Variants in RAP1GAP2 observed in about 807,000 individuals in gnomAD.
The protein encoded by RAP1GAP2 is rap1 GTPase-activating protein 2.
RAP1GAP2 carries 27 observed loss-of-function variants against 95.0 expected under a neutral mutation model. The observed-to-expected ratio is 0.28, with a 90% CI of 0.21 to 0.39. RAP1GAP2 has a LOEUF of 0.39. RAP1GAP2 is among the 10% of genes least tolerant of loss of function. The probability of loss-of-function intolerance (pLI) is 1.00; values close to 1 mark genes in which losing one functional copy is unlikely to be tolerated. For synonymous variants in RAP1GAP2, 373 were observed against 380.9 expected, an observed-to-expected ratio of 0.98 and a Z score of 0.24; for missense variants, 771 against 970.0, an observed-to-expected ratio of 0.79 and a Z score of 2.72.
chr17:2,878,293 G>A (rs528576732), intron 2 of RAP1GAP2, among the ~76,000 whole-genome samples: 14 of 152,234 alleles, frequency 9.2e-5, no homozygotes, highest in African/African-American at 2.6e-4. Context: ...GTCATTTAGG[G>A]ACACATTGGG....
In RAP1GAP2 at chr17:2,866,713, T is replaced by C. The variant is rs889519216; in HGVS notation, c.81-38571T>C. Among the ~76,000 whole-genome samples, 35 of 147,056 alleles carry C rather than the reference T, an allele frequency of 2.4e-4. No homozygotes were observed. Among genetic ancestry groups the C allele is most frequent in the African/African-American group, 8.1e-4 (32 of 39,430 alleles). On this transcript the variant is annotated intron_variant, in intron 2 of 24. Transcript: ENST00000254695. The surrounding 1 kb of genome is among the most constrained non-coding windows in gnomAD (Gnocchi z 4.0). ...CTCCCGGGTTCAAGCGATTCTCCTG[T>C]CTCAGCCTCCCGAGTAGCTGGGATT... is the stretch of plus-strand genomic sequence containing the variant.
At chr17:2,799,316 C>T (rs1314629431) in intron 1 of RAP1GAP2, among the ~76,000 whole-genome samples, 1 of 152,192 alleles carries the variant, frequency 6.6e-6, no homozygotes, top group African/African-American at 2.4e-5. Context: ...GAGGAAGAAA[C>T]TGGGAGAGAC....
At position 2,975,050 on chromosome 17, in the gene RAP1GAP2, G is replaced by A. The variant is rs562674472; in HGVS notation, c.597-5237G>A. 7.9e-5 allele frequency among the ~76,000 whole-genome samples: 12 copies of A among 152,252 alleles called. No individual in the cohort carries two copies. The South Asian group carries it at 1.5e-3, about 18-fold the overall frequency. On this transcript the variant is annotated intron_variant, in intron 8 of 24. Transcript: ENST00000254695. ...TTGAGACTAGCCTGGCCAACATGGC[G>A]AAACCCCATTTCTACTAAAAATACA... is the stretch of plus-strand genomic sequence containing the variant.
intron 2 of RAP1GAP2, among the ~76,000 whole-genome samples, chr17:2,844,074 G>T (rs1308404192): frequency 2.6e-5 from 4 of 151,966 alleles, no homozygotes; most frequent in Admixed American, 2.0e-4. Context: ...AGGCTGGAGT[G>T]CAGTGGCTCG....
At chr17:2,840,964 C>G (rs1209009878) in intron 2 of RAP1GAP2, among the ~76,000 whole-genome samples, 1 of 151,908 alleles carries the variant, frequency 6.6e-6, no homozygotes, top group African/African-American at 2.4e-5. Flanking sequence ...CGCCACTGCA[C>G]TCCAGCCTGG....
At chr17:2,901,144 T>G (rs1007991129) in intron 2 of RAP1GAP2, among the ~76,000 whole-genome samples, 1 of 152,214 alleles carries the variant, frequency 6.6e-6, no homozygotes. Context: ...GGACGCGTCC[T>G]GGTCTCCCTG....
At chr17:2,840,289 G>A (rs1202143897) in intron 2 of RAP1GAP2, among the ~76,000 whole-genome samples, 1 of 151,612 alleles carries the variant, frequency 6.6e-6, no homozygotes, top group Non-Finnish European at 1.5e-5. Flanking sequence ...TCAGCCTCCC[G>A]AGTAGCTGGG....
At chr17:3,030,211 G>A (rs891958952) in intron 22 of RAP1GAP2, among the ~76,000 whole-genome samples, 53 of 122,484 alleles carry the variant, frequency 4.3e-4, no homozygotes, top group African/African-American at 1.3e-3. Context: ...CTCTCATGGC[G>A]CCCGGCCATG....
intron 1 of RAP1GAP2, among the ~76,000 whole-genome samples, chr17:2,778,763 G>A (rs2068568167): frequency 6.6e-6 from 1 of 152,172 alleles, no homozygotes; most frequent in Non-Finnish European, 1.5e-5. Context: ...TGCAGGCTGT[G>A]GCTTATTTGG....
rs754605154 is a variant in RAP1GAP2, at chr17:2,852,639, CA to C, written c.80+52090del. Among the ~76,000 whole-genome samples, 510 of 152,366 alleles carry C rather than the reference CA, an allele frequency of 3.3e-3. 3 individuals are homozygous for C. The highest frequency in any genetic ancestry group is 5.9e-3 in the Non-Finnish European group (402 of 68,042). ...CAACAAAAAACAAGGCAAATTGCCT[CA>C]GGGGGAACCTCTTCGGCCCCAAAGA... On this transcript the variant is annotated intron_variant, in intron 2 of 24. Transcript: ENST00000254695.
At position 2,842,024 on chromosome 17, in the gene RAP1GAP2, G is replaced by C. The variant is rs114726086; in HGVS notation, c.80+41474G>C. On this transcript the variant is annotated intron_variant, in intron 2 of 24. Coordinates refer to ENST00000254695, the MANE Select transcript of RAP1GAP2 (RefSeq NM_015085.5). ...CAACCCTCTCTACAGCTCAGGGTCTGAAAGGCGGTGCCAGGTACTGGGTCC... is the reference window on the plus strand; with the variant it reads ...CAACCCTCTCTACAGCTCAGGGTCTCAAAGGCGGTGCCAGGTACTGGGTCC... 2.4e-3 allele frequency among the ~76,000 whole-genome samples: 361 copies of C among 152,348 alleles called. 1 individual carries two copies. Among genetic ancestry groups the C allele is most frequent in the African/African-American group, 8.0e-3 (334 of 41,586 alleles).
At chr17:2,841,996 C>G (rs1007577803) in intron 2 of RAP1GAP2, among the ~76,000 whole-genome samples, 3 of 152,208 alleles carry the variant, frequency 2.0e-5, no homozygotes, top group Non-Finnish European at 4.4e-5. Context: ...GGCGTGCAAG[C>G]CTCAACCCTC....
At chr17:2,795,806 A>G (rs1236443125), upstream of RAP1GAP2, among the ~76,000 whole-genome samples, 1 of 151,986 alleles carries the variant, frequency 6.6e-6, no homozygotes, top group Non-Finnish European at 1.5e-5. Flanking sequence ...TGGTGTGTGG[A>G]TGTGCACGGG....
chr17:3,032,186 G>A (rs541250583), intron 23 of RAP1GAP2, among the ~76,000 whole-genome samples: 8 of 151,098 alleles, frequency 5.3e-5, no homozygotes, highest in African/African-American at 1.7e-4. Flanking sequence ...AGGTCCAGAT[G>A]TGAGGTGGGA....
intron 4 of RAP1GAP2, among the ~76,000 whole-genome samples, chr17:2,958,800 C>T (rs1256386642): frequency 2.7e-5 from 4 of 146,748 alleles, no homozygotes; most frequent in South Asian, 2.4e-4. Flanking sequence ...ACAGCACCCA[C>T]GGCAGTCCTG....
At chr17:2,775,353 G>C (rs564529548), upstream of RAP1GAP2, among the ~76,000 whole-genome samples, 3 of 152,306 alleles carry the variant, frequency 2.0e-5, no homozygotes, top group Non-Finnish European at 4.4e-5. Context: ...GAGATCATGA[G>C]CAGCCAGTGG....
chr17:2,898,959 T>TTAGCAGGAGTATTGATTAGCAGGAG (rs1453653011), intron 2 of RAP1GAP2, among the ~76,000 whole-genome samples: 1 of 139,220 alleles, frequency 7.2e-6, no homozygotes, highest in Admixed American at 6.9e-5. Flanking sequence ...TGATTAGCGA[T>TTAGCAGGAGTATTGATTAGCAGGAG]TGCATCCCGT....
intron 10 of RAP1GAP2, 28 bp from the exon 11 acceptor site, chr17:2,984,955 A>ATTT: frequency 6.5e-7 from 1 of 1,546,632 alleles, no homozygotes; most frequent in Non-Finnish European, 8.8e-7. Context: ...ACAAATGTTG[A>ATTT]TTTTTTTTTT....
intron 2 of RAP1GAP2, among the ~76,000 whole-genome samples, chr17:2,836,676 T>G (rs540587865): frequency 6.6e-6 from 1 of 152,078 alleles, no homozygotes; most frequent in Admixed American, 6.6e-5. Flanking sequence ...AAAACTGGCT[T>G]CAGGTCCAGC....
Sources: allele counts gnomAD v4.1 joint callset (sites outside exome capture counted in the v4.1 genomes callset), GRCh38; gene constraint gnomAD v4.1.1; non-coding constraint Gnocchi (gnomAD v3.1); transcripts MANE v1.5; gene names NCBI Gene and HGNC (gene_info 2026-07-23, HGNC 2026-07-21).